KLF11: variants seen among roughly 807,000 people sequenced by gnomAD.
KLF11 encodes Krueppel-like factor 11.
KLF11 carries 26 observed loss-of-function variants against 29.9 expected under a neutral mutation model. The observed-to-expected ratio is 0.87, with a 90% CI of 0.64 to 1.21. KLF11 has a LOEUF of 1.21. KLF11 is among the 50% of genes most tolerant of loss of function. The probability of loss-of-function intolerance (pLI) is 0.00; values close to 1 mark genes in which losing one functional copy is unlikely to be tolerated. For missense variants in KLF11, 778 were observed against 665.7 expected, an observed-to-expected ratio of 1.17 and a Z score of -1.86; for synonymous variants, 318 against 257.4, an observed-to-expected ratio of 1.24 and a Z score of -2.25.
In KLF11 at chr2:10,047,650, T is replaced by A. The variant is rs574328222; in HGVS notation, c.313T>A (p.Cys105Ser). The change falls in exon 3 of 4, where the codon TGC becomes AGC. Residue 105 changes from cysteine (C) to serine (S), a missense_variant and splice_region_variant. Cys to Ser is a moderately radical substitution (Grantham distance 112, BLOSUM62 -1). Coordinates refer to ENST00000305883, the MANE Select transcript of KLF11 (RefSeq NM_003597.5). ...PKDFHSLSTL[C>S]ITPPQSPDLV... ...TTTAACATGGTACTTTTTTTTTTAG[T>A]GCATAACTCCTCCTCAGAGCCCTGA... is the stretch of plus-strand genomic sequence containing the variant. 6 of 1,611,278 alleles carry A rather than the reference T, an allele frequency of 3.7e-6. No homozygotes were observed. The African/African-American group carries it at 5.3e-5, about 14-fold the overall frequency.
At chr2:10,044,025 C>A (rs1661091540) in intron 1 of KLF11, 2 of 724,670 alleles carry the variant, frequency 2.8e-6, no homozygotes, top group Admixed American at 6.1e-5. Context: ...CCCCGCTGGC[C>A]CCGCGGCTAT....
rs537685242 is a variant in KLF11, at chr2:10,051,769, G to A, written c.1259-458G>A. On this transcript the variant is annotated intron_variant, in intron 3 of 3. Transcript: ENST00000305883. ...TCTGACTTTGTGATCCGCCCGCCTC[G>A]GCCTCCCAAAGTGCTTGGATTACAG... 2.0e-5 allele frequency among the ~76,000 whole-genome samples: 3 copies of A among 151,944 alleles called. No homozygotes were observed. In the South Asian group the frequency reaches 6.2e-4, roughly 32 times the overall value.
At position 10,043,769 on chromosome 2, in the gene KLF11, G is replaced by C. The variant is rs1472520993; in HGVS notation, c.42+11G>C. The stretch of plus-strand genomic sequence containing the variant: ...GACGACGCGCGCGCAGTGAGTGGTG[G>C]GGCTGCCGCGGCGGGACTACTCGTC... On this transcript the variant is annotated intron_variant, in intron 1 of 3. Transcript: ENST00000305883. 4.4e-6 allele frequency: 6 copies of C among 1,373,050 alleles called. No homozygotes were observed. The highest frequency in any genetic ancestry group is 2.3e-5 in the Admixed American group (1 of 42,744). 85.1% of individuals were successfully genotyped at this position (1,373,050 alleles called of 1,614,324 possible).
At position 10,047,786 on chromosome 2, in the gene KLF11, G is replaced by A. The variant is rs1661260397; in HGVS notation, c.449G>A (p.Ser150Asn). 1.2e-6 allele frequency: 2 copies of A among 1,613,706 alleles called. No homozygotes were observed. Among genetic ancestry groups the A allele is most frequent in the Non-Finnish European group, 1.7e-6 (2 of 1,179,954 alleles). ...QSSAVVARAL[S>N]GGAERGLLGL... ...TCTGCCGTAGTGGCCAGAGCTCTGA[G>A]CGGGGGCGCGGAGAGGGGCTTGCTG... Residue 150 changes from serine to asparagine, a missense_variant, in exon 3 of 4, where the codon AGC (serine) becomes AAC (asparagine). Coordinates refer to ENST00000305883, the MANE Select transcript of KLF11 (RefSeq NM_003597.5).
Position 10,046,431 on chromosome 2 carries a change from T to C in KLF11, c.312+12T>C. The C allele has an allele frequency of 6.2e-7, 1 of 1,612,536 alleles. No individual in the cohort carries two copies. Among genetic ancestry groups the C allele is most frequent in the Non-Finnish European group, 8.5e-7 (1 of 1,179,902 alleles). On this transcript the variant is annotated intron_variant, in intron 2 of 3. Coordinates refer to ENST00000305883, the MANE Select transcript of KLF11 (RefSeq NM_003597.5). ...CTTTATCGACTCTGGTAAGAGGAGG[T>C]GGGAGGGAGGAGCGTTTTTGTGAAA...
rs530296707 is a variant in KLF11, at chr2:10,047,401, C to T, written c.313-249C>T. Among the ~76,000 whole-genome samples, 16 of 152,290 alleles carry T rather than the reference C, an allele frequency of 1.1e-4. 1 individual carries two copies. The highest frequency in any genetic ancestry group is 3.4e-4 in the African/African-American group (14 of 41,554). ...CGGGAGGGTTGCAGAAGTGGTGGGC[C>T]TGGCGGCCAGGAGCTCCTCTCAGAG... is the stretch of plus-strand genomic sequence containing the variant. On this transcript the variant is annotated intron_variant, in intron 2 of 3. Transcript: ENST00000305883.
At position 10,052,309 on chromosome 2, in the gene KLF11, TCACA is replaced by T; in HGVS notation, c.1344_1347del (p.His448GlnfsTer21). Reference sequence around the variant, plus strand: ...ATGAGCTGTCACGCCACCGCAGAACTCACACAGGGGAGAAGAAGTTTGTGTGCCC... The same window carrying T: ...ATGAGCTGTCACGCCACCGCAGAACTCAGGGGAGAAGAAGTTTGTGTGCCC... On this transcript the variant is annotated frameshift_variant, in exon 4 of 4. Coordinates refer to ENST00000305883, the MANE Select transcript of KLF11 (RefSeq NM_003597.5). LOFTEE classifies it high-confidence loss of function. The T allele has an allele frequency of 6.2e-7, 1 of 1,614,156 alleles. No individual in the cohort carries two copies. Among genetic ancestry groups the T allele is most frequent in the Non-Finnish European group, 8.5e-7 (1 of 1,180,036 alleles).
chr2:10,047,315 G>T (rs1022894826), intron 2 of KLF11, among the ~76,000 whole-genome samples: 1 of 152,248 alleles, frequency 6.6e-6, no homozygotes, highest in African/African-American at 2.4e-5. Flanking sequence ...CTGGAAGCTT[G>T]CTCTGAAAGA....
rs1661456703 is a variant in KLF11, at chr2:10,053,107, T to TG, written c.*601dup. On this transcript the variant is annotated 3_prime_UTR_variant, in exon 4 of 4. Coordinates refer to ENST00000305883, the MANE Select transcript of KLF11 (RefSeq NM_003597.5). Reference sequence around the variant, plus strand: ...CCTCTTAAAAGGGAAAAATAAATTTTGCCGTCAGCTTCTTCATAACGTTTT... The same window carrying TG: ...CCTCTTAAAAGGGAAAAATAAATTTTGGCCGTCAGCTTCTTCATAACGTTTT... 4 of 397,496 alleles carry TG rather than the reference T, an allele frequency of 1.0e-5. No homozygotes were observed. The allele number at this position is 397,496 out of a possible 1,614,324, so 24.6% of individuals were successfully genotyped here. A position where few individuals can be genotyped will look rare whatever the true frequency, so the allele number is the denominator to read the frequency against.
chr2:10,050,891 C>CGTTT (rs1558350563), intron 3 of KLF11, among the ~76,000 whole-genome samples: 3 of 42,038 alleles, frequency 7.1e-5, no homozygotes, highest in Non-Finnish European at 4.9e-5. Context: ...ATAGATGCTA[C>CGTTT]CTTTTTTTTT....
rs1224429612 is a variant in KLF11 at position 10,053,522 on chromosome 2, T to G, written c.*1015T>G. The G allele has an allele frequency of 2.5e-6, 1 of 398,264 alleles. No individual in the cohort carries two copies. Among genetic ancestry groups the G allele is most frequent in the Non-Finnish European group, 4.4e-6 (1 of 225,962 alleles). 24.7% of individuals were successfully genotyped at this position (398,264 alleles called of 1,614,324 possible). ...AAACTCCACCAGAGCACAGCTTAGC[T>G]GGGGCGAGATGCATGTGAAGGCAGG... On this transcript the variant is annotated 3_prime_UTR_variant, in exon 4 of 4. Coordinates refer to ENST00000305883, the MANE Select transcript of KLF11 (RefSeq NM_003597.5).
intron 1 of KLF11, chr2:10,044,038 C>G (rs1037853570): frequency 3.0e-4 from 210 of 706,800 alleles, no homozygotes; most frequent in Non-Finnish European, 3.6e-4. Context: ...GCGGCTATTT[C>G]CAGCCATGAC....
chr2:10,052,846 A>G lies in KLF11; in HGVS notation c.*339A>G. On this transcript the variant is annotated 3_prime_UTR_variant, in exon 4 of 4. Transcript: ENST00000305883. ...ACAACCTTTTCTATTGATGTTTTGT[A>G]GAAATAAGACAGGGTACTAATTTTT... is the stretch of plus-strand genomic sequence containing the variant. 1 of 369,326 alleles carries G rather than the reference A, an allele frequency of 2.7e-6. No individual in the cohort carries two copies. The highest frequency in any genetic ancestry group is 4.9e-6 in the Non-Finnish European group (1 of 205,030). 22.9% of individuals were successfully genotyped at this position (369,326 alleles called of 1,614,324 possible).
chr2:10,043,732 T>C lies in KLF11; in HGVS notation c.16T>C (p.Phe6Leu). ...GGCCTGCACGATGCACACGCCGGACTTCGCAGGCCCAGACGACGCGCGCGC... is the reference window on the plus strand; with the variant it reads ...GGCCTGCACGATGCACACGCCGGACCTCGCAGGCCCAGACGACGCGCGCGC... Reference protein sequence around the residue: MHTPDFAGPDDARAVD... With the variant: MHTPDLAGPDDARAVD... Residue 6 changes from phenylalanine to leucine, a missense_variant, in exon 1 of 4, where the codon TTC becomes CTC. Coordinates refer to ENST00000305883, the MANE Select transcript of KLF11 (RefSeq NM_003597.5). 3 of 1,374,746 alleles carry C rather than the reference T, an allele frequency of 2.2e-6. No homozygotes were observed. Among genetic ancestry groups the C allele is most frequent in the African/African-American group, 1.5e-5 (1 of 64,810 alleles). The allele number at this position is 1,374,746 out of a possible 1,614,324, so 85.2% of individuals were successfully genotyped here. A position where few individuals can be genotyped will look rare whatever the true frequency, so the allele number is the denominator to read the frequency against.
chr2:10,048,267 T>C lies in KLF11; in HGVS notation c.930T>C (p.Ser310=). ...TTTTGAAGCCCCCTCCCCAGTTGTC[T>C]GTGGGGACTGTGAGACCCATCCTAG... ...PAFLKPPPQL[S]VGTVRPILAQ... Residue 310 remains serine, a synonymous_variant, in exon 3 of 4, where the codon TCT becomes TCC. Coordinates refer to ENST00000305883, the MANE Select transcript of KLF11 (RefSeq NM_003597.5). 6.2e-7 allele frequency: 1 copy of C among 1,608,092 alleles called. No homozygotes were observed. The highest frequency in any genetic ancestry group is 8.5e-7 in the Non-Finnish European group (1 of 1,176,312).
In KLF11 at chr2:10,052,553, T is replaced by G; in HGVS notation, c.*46T>G. 6.3e-7 allele frequency: 1 copy of G among 1,596,528 alleles called. No individual in the cohort carries two copies. The highest frequency in any genetic ancestry group is 8.5e-7 in the Non-Finnish European group (1 of 1,170,426). On this transcript the variant is annotated 3_prime_UTR_variant, in exon 4 of 4. Coordinates refer to ENST00000305883, the MANE Select transcript of KLF11 (RefSeq NM_003597.5). Reference sequence around the variant, plus strand: ...TCATGGGATTTTTAAAAAGCCTCTTTCCAGGAATGGAACTGATGGATTCCT... The same window carrying G: ...TCATGGGATTTTTAAAAAGCCTCTTGCCAGGAATGGAACTGATGGATTCCT...
rs559739289 is a variant in KLF11 at position 10,044,185 on chromosome 2, C to G, written c.42+427C>G. The G allele has an allele frequency of 2.3e-3, 1,802 of 773,462 alleles. 29 individuals carry two copies. In the African/African-American group the frequency reaches 0.037, roughly 16 times the overall value. The allele number at this position is 773,462 out of a possible 1,614,324, so 47.9% of individuals were successfully genotyped here. A position where few individuals can be genotyped will look rare whatever the true frequency, so the allele number is the denominator to read the frequency against. ...TTTTGGGGGCGGGGCACGCGGCCGT[C>G]GGGCGGGTTAAGAGCGGCTAGCGGT... is the stretch of plus-strand genomic sequence containing the variant. On this transcript the variant is annotated intron_variant, in intron 1 of 3. Coordinates refer to ENST00000305883, the MANE Select transcript of KLF11 (RefSeq NM_003597.5).
Position 10,048,380 on chromosome 2 carries a change from TCCCTCCGCCTGCC to T in KLF11, c.1048_1060del (p.Pro350ValfsTer33). The T allele has an allele frequency of 6.2e-7, 1 of 1,612,800 alleles. No homozygotes were observed. Among genetic ancestry groups the T allele is most frequent in the Non-Finnish European group, 8.5e-7 (1 of 1,178,918 alleles). ...ATGTTGGTCCTGCCCCAGGGAGCCCTCCCTCCGCCTGCCCCCTGTGCAGCCAATGTCATGGCTG... is the reference window on the plus strand; with the variant it reads ...ATGTTGGTCCTGCCCCAGGGAGCCCTCCCTGTGCAGCCAATGTCATGGCTG... On this transcript the variant is annotated frameshift_variant, in exon 3 of 4. Transcript: ENST00000305883. LOFTEE classifies it high-confidence loss of function.
In KLF11 at chr2:10,048,207, C is replaced by A. The variant is rs149235463; in HGVS notation, c.870C>A (p.Ile290=). The A allele has an allele frequency of 8.1e-6, 13 of 1,614,066 alleles. No homozygotes were observed. The highest frequency in any genetic ancestry group is 1.1e-5 in the Non-Finnish European group (13 of 1,180,032). The part of the protein sequence containing the change: ...VPAPPVLCQM[I]PVTGQSSMLP... ...CTCCCCCTGTCCTTTGCCAGATGAT[C>A]CCTGTGACTGGACAAAGTAGCATGT... The change falls in exon 3 of 4, where the codon ATC becomes ATA. Residue 290 remains isoleucine (I), a synonymous_variant. Transcript: ENST00000305883.
Sources: gnomAD v4.1 joint callset for allele counts (sites outside exome capture counted in the v4.1 genomes callset) on GRCh38, gnomAD v4.1.1 for gene constraint, MANE v1.5 for transcripts, NCBI Gene and HGNC (gene_info 2026-07-23, HGNC 2026-07-21) for gene names.